RIMS2: variants seen among roughly 807,000 people sequenced by gnomAD.
The protein encoded by RIMS2 is regulating synaptic membrane exocytosis 2.
RIMS2 carries 59 observed loss-of-function variants against 174.4 expected under a neutral mutation model. The observed-to-expected ratio is 0.34, with a 90% CI of 0.27 to 0.42. RIMS2 has a LOEUF of 0.42. RIMS2 is among the 10% of genes least tolerant of loss of function. RIMS2 has a pLI of 1.00. For missense variants in RIMS2, 1,620 were observed against 1,666.3 expected (o/e 0.97, Z 0.48); for synonymous variants, 606 against 572.5 (o/e 1.06, Z -0.84).
rs773046832 is a variant in RIMS2 at position 103,910,487 on chromosome 8, T to C, written c.1692+286T>C. The C allele has an allele frequency of 2.7e-5, 43 of 1,597,506 alleles. No homozygotes were observed. The South Asian group carries it at 4.0e-4, about 15-fold the overall frequency. On this transcript the variant is annotated intron_variant, in intron 5 of 23. Transcript: ENST00000504942. Reference sequence around the variant, plus strand: ...TTAAGGACTCTGGGGTAGATACGTGTAGTAGCACAACCCTTAACGAGGAGC... The same window carrying C: ...TTAAGGACTCTGGGGTAGATACGTGCAGTAGCACAACCCTTAACGAGGAGC...
chr8:103,893,511 A>C (rs745839882), intron 4 of RIMS2, among the ~76,000 whole-genome samples: 2 of 152,082 alleles, frequency 1.3e-5, no homozygotes, highest in African/African-American at 4.8e-5. Context: ...GAAAATGATC[A>C]AATAATGCAG....
At chr8:103,622,412 A>T (rs1216130646) in intron 1 of RIMS2, among the ~76,000 whole-genome samples, 1 of 152,142 alleles carries the variant, frequency 6.6e-6, no homozygotes, top group African/African-American at 2.4e-5. Context: ...AACACAAAAC[A>T]CATAAAAATG....
intron 19 of RIMS2, among the ~76,000 whole-genome samples, chr8:104,061,368 G>A (rs905486395): frequency 2.0e-5 from 3 of 152,010 alleles, no homozygotes; most frequent in African/African-American, 7.2e-5. Flanking sequence ...TTTAAAGTCT[G>A]TTTTATAGGA....
chr8:104,134,099 G>GA lies in RIMS2; in HGVS notation c.3335-110811dup, dbSNP rs2098497821. Reference sequence around the variant, plus strand: ...TATGAGGAGACCTCAAAAAGTTTGTGAAAAAATGGAATTAAAAGATAAAAA... The same window carrying GA: ...TATGAGGAGACCTCAAAAAGTTTGTGAAAAAAATGGAATTAAAAGATAAAAA... On this transcript the variant is annotated intron_variant, in intron 19 of 23. Coordinates refer to ENST00000504942, the Ensembl canonical transcript of RIMS2. Among the ~76,000 whole-genome samples, 3 of 152,068 alleles carry GA rather than the reference G, an allele frequency of 2.0e-5. No individual in the cohort carries two copies. The South Asian group carries it at 6.2e-4, about 32-fold the overall frequency.
intron 15 of RIMS2, among the ~76,000 whole-genome samples, chr8:103,969,891 G>T (rs1289274760): frequency 1.3e-5 from 2 of 152,036 alleles, no homozygotes; most frequent in Non-Finnish European, 2.9e-5. Flanking sequence ...TGGGACTATG[G>T]GTGTGCACCA....
chr8:103,594,893 G>C (rs2094425927), intron 1 of RIMS2, among the ~76,000 whole-genome samples: 2 of 151,746 alleles, frequency 1.3e-5, no homozygotes, highest in South Asian at 4.1e-4. Flanking sequence ...GAAAGTCCAT[G>C]AAACCTGGGA....
chr8:104,244,465 T>C (rs896480517), intron 19 of RIMS2, among the ~76,000 whole-genome samples: 5 of 152,166 alleles, frequency 3.3e-5, no homozygotes, highest in African/African-American at 1.2e-4. Flanking sequence ...ATCTGTTTCT[T>C]TGTAAATTGT....
chr8:104,085,732 G>A (rs10104834), intron 19 of RIMS2, among the ~76,000 whole-genome samples: 35,695 of 152,090 alleles, frequency 0.23, 4,487 homozygotes, highest in African/African-American at 0.33. Context: ...GGAGGATACT[G>A]GGGAAGGAGG....
At chr8:103,977,872 G>A (rs1291521262) in intron 16 of RIMS2, among the ~76,000 whole-genome samples, 1 of 152,210 alleles carries the variant, frequency 6.6e-6, no homozygotes, top group Non-Finnish European at 1.5e-5. Flanking sequence ...TGCATAGGAT[G>A]AGATTTGGGC....
At chr8:104,010,610 G>A (rs2095727267) in intron 17 of RIMS2, among the ~76,000 whole-genome samples, 1 of 151,876 alleles carries the variant, frequency 6.6e-6, no homozygotes. Flanking sequence ...AGATAATGAT[G>A]GACAGTAGCC....
chr8:104,048,856 C>T (rs1374615425), intron 19 of RIMS2, among the ~76,000 whole-genome samples: 2 of 151,774 alleles, frequency 1.3e-5, no homozygotes, highest in African/African-American at 2.4e-5. Flanking sequence ...CAAATTATGC[C>T]GAGGTTATTT....
At chr8:103,818,956 A>T (rs2098734614) in intron 3 of RIMS2, among the ~76,000 whole-genome samples, 1 of 152,158 alleles carries the variant, frequency 6.6e-6, no homozygotes, top group South Asian at 2.1e-4. Flanking sequence ...GGTCCTTTGC[A>T]GCATCTTGCA....
intron 19 of RIMS2, among the ~76,000 whole-genome samples, chr8:104,131,610 G>A (rs1331069480): frequency 2.0e-5 from 3 of 152,114 alleles, no homozygotes; most frequent in Non-Finnish European, 4.4e-5. Context: ...ATGGTAAGTG[G>A]TTGGAAGCAA....
chr8:103,568,961 C>T (rs2092597789), intron 1 of RIMS2: 2 of 677,844 alleles, frequency 3.0e-6, no homozygotes, highest in Admixed American at 4.0e-5. Context: ...TGGTGTCTTA[C>T]AGCTGCATGA....
At chr8:103,547,898 C>T (rs1845847182) in intron 1 of RIMS2, among the ~76,000 whole-genome samples, 1 of 152,102 alleles carries the variant, frequency 6.6e-6, no homozygotes, top group Non-Finnish European at 1.5e-5. Context: ...TGCACACAAA[C>T]TAGAAAACTT....
At chr8:103,586,016 G>T (rs138644269) in intron 1 of RIMS2, among the ~76,000 whole-genome samples, 236 of 151,274 alleles carry the variant, frequency 1.6e-3, no homozygotes, top group African/African-American at 5.6e-3. Context: ...GCTATAAAAT[G>T]ATAAAAGGGG....
At chr8:103,806,681 C>T (rs187253986) in intron 3 of RIMS2, among the ~76,000 whole-genome samples, 7 of 151,588 alleles carry the variant, frequency 4.6e-5, no homozygotes, top group African/African-American at 1.7e-4. Context: ...GATTAATGCA[C>T]CGAGAAGCTA....
intron 3 of RIMS2, 71 bp downstream of exon 6, chr8:103,766,608 C>T (rs1357963696): frequency 7.8e-6 from 8 of 1,029,796 alleles, no homozygotes; most frequent in Non-Finnish European, 1.1e-5. Context: ...GATAACAATA[C>T]ATGAAATGTT....
intron 19 of RIMS2, among the ~76,000 whole-genome samples, chr8:104,240,325 G>A (rs551078798): frequency 1.1e-4 from 16 of 152,192 alleles, no homozygotes; most frequent in South Asian, 4.2e-4. Context: ...TCACTGTTAC[G>A]TAGATTCAGT....
Sources: allele counts gnomAD v4.1 joint callset (sites outside exome capture counted in the v4.1 genomes callset), GRCh38; gene constraint gnomAD v4.1.1; transcripts MANE v1.5; gene names NCBI Gene and HGNC (gene_info 2026-07-23, HGNC 2026-07-21).